The following PCDH15 variants were observed in gnomAD, a reference collection of about 807,000 sequenced individuals.
PCDH15 encodes the protein protocadherin related 15, also known as protocadherin-15.
A neutral mutation model predicts 178.5 loss-of-function variants in PCDH15; 129 were observed. The ratio of observed to expected loss-of-function variants is 0.72; its 90% CI spans 0.63 to 0.84. PCDH15 has a LOEUF of 0.84. Ranked by LOEUF, PCDH15 falls within the 40% of genes least tolerant of loss-of-function variation. The probability of loss-of-function intolerance (pLI) is 0.00; values close to 1 mark genes in which losing one functional copy is unlikely to be tolerated. For synonymous variants in PCDH15, 800 were observed against 732.0 expected, an observed-to-expected ratio of 1.09 and a Z score of -1.50; for missense variants, 2,230 against 2,099.9, an observed-to-expected ratio of 1.06 and a Z score of -1.21.
At chr10:54,473,163 G>C (rs565557269) in intron 3 of PCDH15, among the ~76,000 whole-genome samples, 1 of 152,066 alleles carries the variant, frequency 6.6e-6, no homozygotes, top group Admixed American at 6.6e-5. Context: ...GACAACACTA[G>C]CTTAAAGTGA....
intron 1 of PCDH15, among the ~76,000 whole-genome samples, chr10:54,677,726 T>C (rs1025711019): frequency 6.6e-6 from 1 of 152,190 alleles, no homozygotes; most frequent in African/African-American, 2.4e-5. Context: ...TGGATTTTCA[T>C]ATGCAATTAT....
chr10:54,845,235 C>T (rs1953488067), intron 3 of PCDH15, among the ~76,000 whole-genome samples: 1 of 151,606 alleles, frequency 6.6e-6, no homozygotes, highest in African/African-American at 2.4e-5. Context: ...GAAAATAGCA[C>T]AGAAAACAAT....
rs1397304755 is a variant in PCDH15, at chr10:54,316,054, A to C, written c.876+1217T>G. 1.3e-5 allele frequency among the ~76,000 whole-genome samples: 2 copies of C among 151,772 alleles called. 1 individual carries two copies. Among genetic ancestry groups the C allele is most frequent in the South Asian group, 4.1e-4 (2 of 4,820 alleles). ...TAGGTATTCTACATCTATTTTGTCC[A>C]GTCAAGTTCTGATTAGCTTTTTTGC... On this transcript the variant is annotated intron_variant, in intron 8 of 37. Coordinates refer to ENST00000644397, the MANE Select transcript of PCDH15 (RefSeq NM_001384140.1).
chr10:54,224,752 C>T (rs2053247978), intron 9 of PCDH15, among the ~76,000 whole-genome samples: 1 of 151,934 alleles, frequency 6.6e-6, no homozygotes, highest in Non-Finnish European at 1.5e-5. Flanking sequence ...TATTTTCTTC[C>T]ATTAATTTTA....
At chr10:54,699,371 T>C (rs1420680887) in intron 1 of PCDH15, among the ~76,000 whole-genome samples, 1 of 152,132 alleles carries the variant, frequency 6.6e-6, no homozygotes, top group Non-Finnish European at 1.5e-5. Context: ...AATATTGTGA[T>C]CTAGATGTCA....
chr10:55,098,221 C>T (rs776592270), intron 2 of PCDH15, among the ~76,000 whole-genome samples: 7 of 151,924 alleles, frequency 4.6e-5, no homozygotes, highest in African/African-American at 1.7e-4. Flanking sequence ...CATTTCCAGA[C>T]GAGGAAATTA....
At chr10:54,104,154 C>T (rs547339758) in intron 15 of PCDH15, among the ~76,000 whole-genome samples, 29 of 152,260 alleles carry the variant, frequency 1.9e-4, no homozygotes, top group African/African-American at 6.7e-4. Context: ...CAAGGTTTCT[C>T]TCCTCAGACA....
intron 7 of PCDH15, among the ~76,000 whole-genome samples, chr10:54,318,801 T>G (rs1449253106): frequency 6.6e-6 from 1 of 152,214 alleles, no homozygotes; most frequent in Non-Finnish European, 1.5e-5. Context: ...TATTTTGACA[T>G]ATTTATCAAA....
chr10:55,359,385 G>A (rs10763195), intron 2 of PCDH15, among the ~76,000 whole-genome samples: 47,437 of 151,558 alleles, frequency 0.31, 7,739 homozygotes, highest in Admixed American at 0.38. Flanking sequence ...AAATTCTTAA[G>A]ACAGTTATGT....
intron 3 of PCDH15, among the ~76,000 whole-genome samples, chr10:54,883,698 T>C (rs1038905199): frequency 6.6e-6 from 1 of 151,930 alleles, no homozygotes; most frequent in African/African-American, 2.4e-5. Flanking sequence ...TTCATTATTA[T>C]TTACAATCTG....
intron 9 of PCDH15, among the ~76,000 whole-genome samples, chr10:54,219,317 G>A (rs534493852): frequency 5.9e-4 from 87 of 146,742 alleles, no homozygotes; most frequent in Non-Finnish European, 1.1e-3. Context: ...GAGGCTGGGC[G>A]TGGTGGCTCA....
intron 1 of PCDH15, among the ~76,000 whole-genome samples, chr10:54,679,107 G>A (rs1254119263): frequency 1.3e-5 from 2 of 148,468 alleles, no homozygotes; most frequent in South Asian, 2.1e-4. Context: ...GGAGAATGGC[G>A]TGAACCCAGG....
chr10:55,199,245 G>A (rs1840175545), intron 1 of PCDH15, among the ~76,000 whole-genome samples: 1 of 152,102 alleles, frequency 6.6e-6, no homozygotes, highest in African/African-American at 2.4e-5. Context: ...CTCAGATGGA[G>A]ATGAAAAAGT....
chr10:54,010,782 G>A (rs796517032), intron 20 of PCDH15, among the ~76,000 whole-genome samples: 4 of 152,214 alleles, frequency 2.6e-5, no homozygotes, highest in Admixed American at 6.5e-5. Context: ...TCTGTTTCCC[G>A]TGAGCCCCCA....
chr10:55,258,417 A>T (rs551306246), intron 1 of PCDH15, among the ~76,000 whole-genome samples: 1 of 152,278 alleles, frequency 6.6e-6, no homozygotes, highest in Non-Finnish European at 1.5e-5. Flanking sequence ...GATCAAATTT[A>T]AATTCCACAT....
At chr10:54,158,801 T>C (rs575460477) in intron 13 of PCDH15, among the ~76,000 whole-genome samples, 4 of 152,274 alleles carry the variant, frequency 2.6e-5, no homozygotes, top group Admixed American at 6.5e-5. Flanking sequence ...TGAATAAATA[T>C]ATTTTTTATT....
intron 3 of PCDH15, among the ~76,000 whole-genome samples, chr10:54,508,805 GT>G (rs1414661017): frequency 5.9e-5 from 9 of 152,060 alleles, no homozygotes; most frequent in African/African-American, 2.2e-4. Context: ...GCTGGTACAG[GT>G]TGAGTAACCC....
intron 2 of PCDH15, among the ~76,000 whole-genome samples, chr10:55,507,800 T>C (rs1840793758): frequency 6.6e-6 from 1 of 151,630 alleles, no homozygotes; most frequent in African/African-American, 2.4e-5. Flanking sequence ...TGGTTCGTTG[T>C]GTGGAATCCT....
intron 20 of PCDH15, among the ~76,000 whole-genome samples, chr10:53,997,293 G>A (rs1361232431): frequency 6.6e-6 from 1 of 152,074 alleles, no homozygotes; most frequent in Non-Finnish European, 1.5e-5. Context: ...GGACTGTGAA[G>A]GGTATTGATC....
Sources: gnomAD v4.1 joint callset for allele counts (sites outside exome capture counted in the v4.1 genomes callset) on GRCh38, gnomAD v4.1.1 for gene constraint, MANE v1.5 for transcripts, NCBI Gene and HGNC (gene_info 2026-07-23, HGNC 2026-07-21) for gene names.